DENND1C: variants seen among roughly 807,000 people sequenced by gnomAD.
DENND1C encodes DENN domain containing 1C, also known as DENN domain-containing protein 1C.
In DENND1C, 64 loss-of-function variants were observed where a neutral mutation model predicts 87.9. That is an observed-to-expected ratio of 0.73 (90% CI 0.60 to 0.90). DENND1C has a LOEUF of 0.90. Among genes scored for constraint, DENND1C ranks in the 40% least tolerant of loss-of-function variants. DENND1C has a pLI of 0.00. For synonymous variants in DENND1C, 384 were observed against 424.4 expected, an observed-to-expected ratio of 0.90 and a Z score of 1.17; for missense variants, 980 against 1,037.0, an observed-to-expected ratio of 0.95 and a Z score of 0.76.
Position 6,468,584 on chromosome 19 carries a change from C to G in DENND1C, c.1577G>C (p.Gly526Ala). The G allele has an allele frequency of 6.5e-7, 1 of 1,533,392 alleles. No homozygotes were observed. The highest frequency in any genetic ancestry group is 1.3e-5 in the South Asian group (1 of 78,000). 95.0% of individuals were successfully genotyped at this position (1,533,392 alleles called of 1,614,324 possible). Reference protein sequence around the residue: ...QLEEGTSEPPGAGTPPLSPED... With the variant: ...QLEEGTSEPPAAGTPPLSPED... ...TGTTCCCTTTTTGCCTTACCCCGCC[C>G]CTGGGGGCTCGGAAGTTCCCTCTTC... The change falls in exon 21 of 23, where the codon GGG (glycine) becomes GCG (alanine). Residue 526 changes from glycine to alanine, a missense_variant. Coordinates refer to ENST00000381480, the MANE Select transcript of DENND1C (RefSeq NM_024898.4).
chr19:6,472,297 C>A (rs2145188055), intron 15 of DENND1C, among the ~76,000 whole-genome samples: 1 of 151,820 alleles, frequency 6.6e-6, no homozygotes, highest in South Asian at 2.1e-4. Flanking sequence ...TGCTTAGGGA[C>A]CTGCGAATTT....
chr19:6,472,807 C>T (rs2092836632), intron 15 of DENND1C, 82 bp downstream of exon 15: 2 of 1,228,480 alleles, frequency 1.6e-6, no homozygotes, highest in Non-Finnish European at 2.2e-6. Flanking sequence ...AGTCTGCCCT[C>T]AACCCTGCCA....
chr19:6,478,702 A>G (rs2092877656), intron 6 of DENND1C, 81 bp downstream of exon 6: 1 of 1,477,512 alleles, frequency 6.8e-7, no homozygotes, highest in Non-Finnish European at 9.2e-7. Flanking sequence ...CAAGCCTGGG[A>G]GATCTGAGAG....
chr19:6,470,620 G>GTTTTTTTTTTTTTTTTT (rs35687922), intron 17 of DENND1C, among the ~76,000 whole-genome samples: 8 of 114,788 alleles, frequency 7.0e-5, no homozygotes, highest in Admixed American at 9.6e-5. Context: ...GTTTTTTTTT[G>GTTTTTTTTTTTTTTTTT]TTTTTTTTTT....
chr19:6,477,354 G>A (rs1175870150), intron 7 of DENND1C, 24 bp downstream of exon 7: 10 of 1,612,720 alleles, frequency 6.2e-6, no homozygotes, highest in Non-Finnish European at 7.6e-6. Context: ...AAGGTCCAGC[G>A]CCCAGGGAAT....
At chr19:6,479,431 G>GGTCCCTGTGTCCCTGGGTCCCTGT (rs1555750707) in intron 4 of DENND1C, among the ~76,000 whole-genome samples, 3 of 141,992 alleles carry the variant, frequency 2.1e-5, no homozygotes, top group African/African-American at 9.1e-5. Context: ...TGAGTCCCTG[G>GGTCCCTGTGTCCCTGGGTCCCTGT]GTCCCTGGGT....
At chr19:6,469,039 T>G (rs1215104805) in intron 19 of DENND1C, 86 bp from the exon 20 acceptor site, 2 of 824,558 alleles carry the variant, frequency 2.4e-6, no homozygotes, top group Non-Finnish European at 3.3e-6. Context: ...GTCTTTTTTT[T>G]TTTTTGTTTG....
At chr19:6,469,422 G>A (rs2092815517) in intron 19 of DENND1C, 174 bp downstream of exon 19, 2 of 658,298 alleles carry the variant, frequency 3.0e-6, no homozygotes, top group Non-Finnish European at 2.6e-6. Flanking sequence ...CCGCCTTCTA[G>A]ACTCAAGCAA....
chr19:6,477,999 C>A (rs1394441061), intron 6 of DENND1C, among the ~76,000 whole-genome samples: 2 of 151,758 alleles, frequency 1.3e-5, no homozygotes, highest in Non-Finnish European at 2.9e-5. Flanking sequence ...CGCCTGAACC[C>A]GGAATGCGGA....
At position 6,467,969 on chromosome 19, in the gene DENND1C, G is replaced by A. The variant is rs35290240; in HGVS notation, c.1941C>T (p.Ser647=). The change falls in exon 23 of 23, where the codon TCC becomes TCT. Residue 647 remains serine (S), a synonymous_variant. Coordinates refer to ENST00000381480, the MANE Select transcript of DENND1C (RefSeq NM_024898.4). ...DSRSQLIPSE[S]DQEVTSPSQS... ...GGGATGGAGACGTGACTTCTTGGTCGGACTCTGAGGGTATCAGCTGGGACC... is the reference window on the plus strand; with the variant it reads ...GGGATGGAGACGTGACTTCTTGGTCAGACTCTGAGGGTATCAGCTGGGACC... 2.1e-3 allele frequency: 3,432 copies of A among 1,613,822 alleles called. 74 individuals carry two copies. The African/African-American group carries it at 0.041, about 19-fold the overall frequency.
At chr19:6,480,475 TCC>T in intron 1 of DENND1C, 11 of 984,722 alleles carry the variant, frequency 1.1e-5, no homozygotes, top group Non-Finnish European at 1.3e-5. Flanking sequence ...TATATATATA[TCC>T]ATCTATCTGT....
chr19:6,469,926 A>G, intron 18 of DENND1C: 1 of 496,046 alleles, frequency 2.0e-6, no homozygotes, highest in South Asian at 2.7e-5. Flanking sequence ...AATCGCACGG[A>G]CAATTTTGAG....
Position 6,475,840 on chromosome 19 carries a change from C to A in DENND1C, c.776G>T (p.Cys259Phe). Residue 259 changes from cysteine (C) to phenylalanine (F), a missense_variant, in exon 11 of 23, where the codon TGC (cysteine) becomes TTC (phenylalanine). Transcript: ENST00000381480. ...PTLPPHLLDY[C>F]CAPMPYLIGV... The stretch of plus-strand genomic sequence containing the variant: ...CCTCCCAGCTGCCCTCGCTCACCAG[C>A]AGTAGTCCAGCAGGTGTGGGGGCAG... The A allele has an allele frequency of 6.5e-7, 1 of 1,538,002 alleles. No individual in the cohort carries two copies. The highest frequency in any genetic ancestry group is 1.2e-5 in the South Asian group (1 of 83,506).
At chr19:6,477,919 A>G (rs1487975112) in intron 6 of DENND1C, among the ~76,000 whole-genome samples, 7 of 150,930 alleles carry the variant, frequency 4.6e-5, no homozygotes, top group Admixed American at 3.3e-4. Flanking sequence ...CAAAAAAAAA[A>G]AAAAAAATTA....
chr19:6,475,903 A>G lies in DENND1C; in HGVS notation c.713T>C (p.Leu238Pro). 1 of 1,570,400 alleles carries G rather than the reference A, an allele frequency of 6.4e-7. No individual in the cohort carries two copies. The highest frequency in any genetic ancestry group is 8.6e-7 in the Non-Finnish European group (1 of 1,166,432). The change falls in exon 11 of 23, where the codon CTG becomes CCG. Residue 238 changes from leucine (L) to proline (P), a missense_variant. By Grantham distance (98) the Leu-to-Pro change is moderately conservative. Coordinates refer to ENST00000381480, the MANE Select transcript of DENND1C (RefSeq NM_024898.4). ...CACGTGCTCCCAGCGCATGGGGTAC[A>G]GGAGCGCGCAGGACGCGTGGACGCA... ...TSCVHASCAL[L>P]YPMRWEHVLI...
At position 6,476,965 on chromosome 19, in the gene DENND1C, C is replaced by T. The variant is rs1167412082; in HGVS notation, c.570G>A (p.Arg190=). ...SGRLPSIPEN[R]NLTELVVAVT... ...CGGCCACCACCAGCTCCGTTAGGTT[C>T]CTCTGAGGATCAGAGAGTCGCTCTG... Residue 190 remains arginine (R), a splice_region_variant and synonymous_variant, in exon 10 of 23, where the codon AGG becomes AGA. Coordinates refer to ENST00000381480, the MANE Select transcript of DENND1C (RefSeq NM_024898.4). The T allele has an allele frequency of 6.2e-7, 1 of 1,613,560 alleles. No homozygotes were observed. Among genetic ancestry groups the T allele is most frequent in the East Asian group, 2.2e-5 (1 of 44,872 alleles).
chr19:6,473,416 G>A (rs907604666), intron 14 of DENND1C, among the ~76,000 whole-genome samples: 5 of 148,744 alleles, frequency 3.4e-5, no homozygotes, highest in East Asian at 2.0e-4. Context: ...GCCTCCCAAA[G>A]TGCTGGGATT....
Position 6,477,147 on chromosome 19 carries a change from G to T in DENND1C, c.514-20C>A. 1 of 1,600,648 alleles carries T rather than the reference G, an allele frequency of 6.2e-7. No homozygotes were observed. The highest frequency in any genetic ancestry group is 1.8e-5 in the Admixed American group (1 of 56,510). On this transcript the variant is annotated intron_variant, in intron 8 of 22. Transcript: ENST00000381480. ...GGAAAGCTGGTGGGGGTATTGGCAG[G>T]GGGATCAATCAGTCAGGAGGCTGGC...
intron 10 of DENND1C, 127 bp downstream of exon 10, chr19:6,476,730 G>A (rs1415549026): frequency 2.1e-6 from 2 of 953,182 alleles, no homozygotes; most frequent in African/African-American, 1.7e-5. Context: ...CTTCGAAGGG[G>A]CGGGGCCAGG....
Sources: allele counts gnomAD v4.1 joint callset (sites outside exome capture counted in the v4.1 genomes callset), GRCh38; gene constraint gnomAD v4.1.1; transcripts MANE v1.5; gene names NCBI Gene and HGNC (gene_info 2026-07-23, HGNC 2026-07-21).